Variants in SF1 observed in about 807,000 individuals in gnomAD.
SF1 encodes branch point-binding protein.
In SF1, 7 loss-of-function variants were observed where a neutral mutation model predicts 62.5. The observed-to-expected ratio is 0.11, with a 90% CI of 0.06 to 0.21. SF1 has a LOEUF of 0.21. SF1 is among the 10% of genes least tolerant of loss of function. SF1 has a pLI of 1.00. For missense variants in SF1, 578 were observed against 884.0 expected (o/e 0.65, Z 4.39); for synonymous variants, 394 against 323.6 (o/e 1.22, Z -2.33).
intron 12 of SF1, 50 bp downstream of exon 12, chr11:64,766,850 G>GCCCCCCCCCCC: frequency 1.3e-6 from 1 of 744,974 alleles, no homozygotes; most frequent in Non-Finnish European, 2.2e-6. Flanking sequence ...GTTCCTGTCA[G>GCCCCCCCCCCC]CCCCACCCCC....
chr11:64,768,302 G>A lies in SF1; in HGVS notation c.888-16C>T. The A allele has an allele frequency of 6.2e-7, 1 of 1,608,802 alleles. No homozygotes were observed. The stretch of plus-strand genomic sequence containing the variant: ...ATCACCAGGCCTGAAGTGGGGTGGG[G>A]GACACAAACAGAGAAAGGGGAAAAA... On this transcript the variant is annotated splice_polypyrimidine_tract_variant and intron_variant, in intron 8 of 12. Transcript: ENST00000377390.
intron 3 of SF1, chr11:64,772,940 C>T (rs1938561432): frequency 1.0e-6 from 1 of 986,970 alleles, no homozygotes; most frequent in African/African-American, 1.7e-5. Context: ...TTAGAAATCT[C>T]ATCTGATTTT....
intron 2 of SF1, among the ~76,000 whole-genome samples, chr11:64,775,154 T>A (rs1198960111): frequency 6.6e-6 from 1 of 152,154 alleles, no homozygotes; most frequent in East Asian, 1.9e-4. Context: ...TGAGTCTTCC[T>A]AGCTGACTAT....
chr11:64,777,760 C>G, intron 1 of SF1: 2 of 985,598 alleles, frequency 2.0e-6, no homozygotes, highest in Non-Finnish European at 1.2e-6. Flanking sequence ...CTCACTGCGT[C>G]TGCGCACAGA....
In SF1 at chr11:64,770,239, C is replaced by T. The variant is rs368696092; in HGVS notation, c.389+17G>A. On this transcript the variant is annotated intron_variant, in intron 4 of 12. Transcript: ENST00000377390. ...TGCATGTGTCTTCATCCCAGATGAC[C>T]GAGCCCCTCCGCTTACTTGTAATCT... 21 of 1,608,058 alleles carry T rather than the reference C, an allele frequency of 1.3e-5. No individual in the cohort carries two copies. Among genetic ancestry groups the T allele is most frequent in the South Asian group, 3.3e-5 (3 of 90,950 alleles).
In SF1 at chr11:64,767,268, A is replaced by C. The variant is rs377438652; in HGVS notation, c.1343-17T>G. On this transcript the variant is annotated splice_polypyrimidine_tract_variant and intron_variant, in intron 10 of 12. Transcript: ENST00000377390. The stretch of plus-strand genomic sequence containing the variant: ...GGTACTGATCTTGATGGAAGGAAAG[A>C]GCAGGGACTTAGCAGGACATTGGAA... 6 of 1,613,382 alleles carry C rather than the reference A, an allele frequency of 3.7e-6. No individual in the cohort carries two copies. Among genetic ancestry groups the C allele is most frequent in the African/African-American group, 1.3e-5 (1 of 74,904 alleles).
At chr11:64,776,215 G>T (rs962548940) in intron 2 of SF1, 8 of 364,156 alleles carry the variant, frequency 2.2e-5, no homozygotes, top group Non-Finnish European at 3.6e-5. Context: ...GCAATGAACA[G>T]CAGCTGAAAA....
rs763615364 is a variant in SF1 at position 64,769,606 on chromosome 11, C to T, written c.483G>A (p.Gly161=). The part of the protein sequence containing the change: ...NFVGLLIGPR[G]NTLKNIEKEC... ...CCTTCTCTATGTTCTTCAGGGTGTTCCCTCTAGAGAGGCAGAAATGACTAA... is the reference window on the plus strand; with the variant it reads ...CCTTCTCTATGTTCTTCAGGGTGTTTCCTCTAGAGAGGCAGAAATGACTAA... The change falls in exon 6 of 13, where the codon GGG becomes GGA. Residue 161 remains glycine, a synonymous_variant. Transcript: ENST00000377390. 6.2e-7 allele frequency: 1 copy of T among 1,613,248 alleles called. No individual in the cohort carries two copies. Among genetic ancestry groups the T allele is most frequent in the South Asian group, 1.1e-5 (1 of 91,034 alleles).
intron 3 of SF1, chr11:64,771,339 A>G: frequency 3.5e-6 from 2 of 574,860 alleles, no homozygotes; most frequent in Non-Finnish European, 2.2e-6. Context: ...TTTTGAGTTA[A>G]GATTACAAAA....
chr11:64,772,851 G>GT, intron 3 of SF1: 1 of 985,302 alleles, frequency 1.0e-6, no homozygotes, highest in Non-Finnish European at 1.2e-6. Flanking sequence ...CCCAAAATAG[G>GT]TGAGAATATT....
In SF1 at chr11:64,765,342, T is replaced by G; in HGVS notation, c.*476A>C. ...GAAAAAGAAAAAAATTAATAAAAATTTCACGATATGGAGCCAGCGTGTTCC... is the reference window on the plus strand; with the variant it reads ...GAAAAAGAAAAAAATTAATAAAAATGTCACGATATGGAGCCAGCGTGTTCC... On this transcript the variant is annotated 3_prime_UTR_variant, in exon 13 of 13. Transcript: ENST00000377390. 1 of 732,392 alleles carries G rather than the reference T, an allele frequency of 1.4e-6. No homozygotes were observed. The highest frequency in any genetic ancestry group is 2.4e-6 in the Non-Finnish European group (1 of 422,626). 45.4% of individuals were successfully genotyped at this position (732,392 alleles called of 1,614,324 possible).
In SF1 at chr11:64,774,830, G is replaced by A. The variant is rs1036334215; in HGVS notation, c.161-1325C>T. ...AAAAAAATTAGCTGGGCATGGTGGCGTGCGCCTGTAGTCCCAGCTACTTGG... is the reference window on the plus strand; with the variant it reads ...AAAAAAATTAGCTGGGCATGGTGGCATGCGCCTGTAGTCCCAGCTACTTGG... On this transcript the variant is annotated intron_variant, in intron 2 of 12. Coordinates refer to ENST00000377390, the MANE Select transcript of SF1 (RefSeq NM_004630.4). 4.6e-5 allele frequency among the ~76,000 whole-genome samples: 7 copies of A among 151,902 alleles called. No homozygotes were observed. The East Asian group carries it at 5.8e-4, about 13-fold the overall frequency.
At chr11:64,776,825 G>T (rs1486747467) in intron 1 of SF1, among the ~76,000 whole-genome samples, 199 bp from the exon 2 acceptor site, 1 of 152,144 alleles carries the variant, frequency 6.6e-6, no homozygotes, top group Non-Finnish European at 1.5e-5. Context: ...AGGGTATGTG[G>T]TCCTTGGTCA....
In SF1 at chr11:64,764,927, G is replaced by C. The variant is rs913750885; in HGVS notation, c.*891C>G. ...CAGCTCAGGTGATCAAGGAGCACAG[G>C]AAGAACTCCAGGCTGGCAGGCGAGC... is the stretch of plus-strand genomic sequence containing the variant. On this transcript the variant is annotated 3_prime_UTR_variant, in exon 13 of 13. Transcript: ENST00000377390. The C allele has an allele frequency of 6.6e-6, 1 of 152,428 alleles. No individual in the cohort carries two copies. Among genetic ancestry groups the C allele is most frequent in the African/African-American group, 2.4e-5 (1 of 41,478 alleles). 9.4% of individuals were successfully genotyped at this position (152,428 alleles called of 1,614,324 possible).
intron 4 of SF1, 81 bp from the exon 5 acceptor site, chr11:64,770,134 C>G: frequency 6.5e-7 from 1 of 1,546,066 alleles, no homozygotes; most frequent in South Asian, 1.1e-5. Context: ...AATATTGGTA[C>G]CAAGTGCTAA....
At chr11:64,775,794 G>A (rs1446163961) in intron 2 of SF1, among the ~76,000 whole-genome samples, 2 of 152,178 alleles carry the variant, frequency 1.3e-5, no homozygotes, top group East Asian at 1.9e-4. Context: ...ACTGTGGATA[G>A]TCATTAATTC....
Position 64,769,131 on chromosome 11 carries a change from T to C in SF1, c.780-2A>G. The stretch of plus-strand genomic sequence containing the variant: ...GAGCTCTGCCAGGGTCTTAAGATCC[T>C]ATTAAAGGAAAAAGAGGTCAATGCA... On this transcript the variant is annotated splice_acceptor_variant, in intron 7 of 12. Coordinates refer to ENST00000377390, the MANE Select transcript of SF1 (RefSeq NM_004630.4). LOFTEE classifies it high-confidence loss of function. 6.2e-7 allele frequency: 1 copy of C among 1,613,814 alleles called. No individual in the cohort carries two copies. Among genetic ancestry groups the C allele is most frequent in the Non-Finnish European group, 8.5e-7 (1 of 1,179,678 alleles).
In SF1 at chr11:64,765,565, G is replaced by A. The variant is rs770462618; in HGVS notation, c.*253C>T. The A allele has an allele frequency of 2.7e-5, 42 of 1,566,254 alleles. No homozygotes were observed. The highest frequency in any genetic ancestry group is 3.2e-5 in the Non-Finnish European group (37 of 1,159,982). ...AGGCAAAGGGAGTTGGGTGAGGAGA[G>A]AAAGAAGACAAAGAAGACACTCGAT... On this transcript the variant is annotated 3_prime_UTR_variant, in exon 13 of 13. Coordinates refer to ENST00000377390, the MANE Select transcript of SF1 (RefSeq NM_004630.4).
intron 3 of SF1, chr11:64,771,953 A>G (rs951994120): frequency 2.0e-6 from 2 of 985,320 alleles, no homozygotes; most frequent in African/African-American, 3.5e-5. Context: ...TATTTCTAAC[A>G]TGCTTGACAT....
Sources: gnomAD v4.1 joint callset for allele counts (sites outside exome capture counted in the v4.1 genomes callset) on GRCh38, gnomAD v4.1.1 for gene constraint, MANE v1.5 for transcripts, NCBI Gene and HGNC (gene_info 2026-07-23, HGNC 2026-07-21) for gene names.